Variants in LAPTM4B observed in about 807,000 individuals in gnomAD.
The protein encoded by LAPTM4B is lysosomal-associated transmembrane protein 4B.
Under a neutral mutation model 28.5 loss-of-function variants are expected in LAPTM4B, and 26 were observed. The ratio of observed to expected loss-of-function variants is 0.91; its 90% CI spans 0.67 to 1.27. The LOEUF is 1.27. Among genes scored for constraint, LAPTM4B ranks in the 50% most tolerant of loss-of-function variants. The probability of loss-of-function intolerance (pLI) is 0.00; values close to 1 mark genes in which losing one functional copy is unlikely to be tolerated. For missense variants in LAPTM4B, 288 were observed against 285.8 expected, an observed-to-expected ratio of 1.01 and a Z score of -0.06; for synonymous variants, 109 against 106.4, an observed-to-expected ratio of 1.02 and a Z score of -0.15.
At position 97,776,000 on chromosome 8, in the gene LAPTM4B, G is replaced by C. The variant is rs776766688; in HGVS notation, c.-10G>C. On this transcript the variant is annotated 5_prime_UTR_variant, in exon 1 of 7. Coordinates refer to ENST00000521545, the MANE Select transcript of LAPTM4B (RefSeq NM_018407.6). ...CTTGCGCGCGCGCTCGCGCCACTGCGCCCGGAGCGATGAAGATGGTCGCGC... is the reference window on the plus strand; with the variant it reads ...CTTGCGCGCGCGCTCGCGCCACTGCCCCCGGAGCGATGAAGATGGTCGCGC... The C allele has an allele frequency of 1.3e-6, 2 of 1,571,140 alleles. No individual in the cohort carries two copies. Among genetic ancestry groups the C allele is most frequent in the Non-Finnish European group, 1.7e-6 (2 of 1,164,628 alleles).
rs1214536719 is a variant in LAPTM4B at position 97,845,868 on chromosome 8, ACTCCCCTCCC to A, written c.604-5501_604-5492del. Among the ~76,000 whole-genome samples the A allele has an allele frequency of 8.0e-3, 35 of 4,372 alleles. 2 individuals are homozygous for A. The highest frequency in any genetic ancestry group is 0.015 in the African/African-American group (26 of 1,770). 2.9% of individuals were successfully genotyped at this position (4,372 alleles called of 152,430 possible). A position where few individuals can be genotyped will look rare whatever the true frequency, so the allele number is the denominator to read the frequency against. ...TCCTTTTCCTTTTCCCCCCCCTTCC[ACTCCCCTCCC>A]CTCCCCTCCCCTCCCCTCCCCTCCC... On this transcript the variant is annotated intron_variant, in intron 6 of 6. Transcript: ENST00000521545.
intron 6 of LAPTM4B, among the ~76,000 whole-genome samples, chr8:97,836,283 G>A (rs1817259385): frequency 6.6e-6 from 1 of 152,088 alleles, no homozygotes; most frequent in Middle Eastern, 3.4e-3. Context: ...TGGGTTCAAG[G>A]GATTCTCCTC....
chr8:97,850,465 G>GGTGTGT (rs761478917), intron 6 of LAPTM4B, among the ~76,000 whole-genome samples: 7 of 37,872 alleles, frequency 1.8e-4, no homozygotes, highest in Admixed American at 9.4e-4. Context: ...GGAGAGGAGG[G>GGTGTGT]GTGTGTGTGT....
chr8:97,788,844 G>T (rs6468588), intron 1 of LAPTM4B, among the ~76,000 whole-genome samples: 1 of 151,406 alleles, frequency 6.6e-6, no homozygotes, highest in Non-Finnish European at 1.5e-5. Context: ...ACGGGTGTCT[G>T]TCACCACGTC....
Position 97,816,688 on chromosome 8 carries a change from C to T in LAPTM4B, c.408+508C>T, listed in dbSNP as rs1413611974. ...AAATTATAGTCCAGTTACTAATAGT[C>T]GTATTTGGTAAAATGTAGTTTTCTC... On this transcript the variant is annotated intron_variant, in intron 4 of 6. Coordinates refer to ENST00000521545, the MANE Select transcript of LAPTM4B (RefSeq NM_018407.6). Among the ~76,000 whole-genome samples, 4 of 152,086 alleles carry T rather than the reference C, an allele frequency of 2.6e-5. No individual in the cohort carries two copies. The South Asian group carries it at 6.2e-4, about 24-fold the overall frequency.
intron 1 of LAPTM4B, among the ~76,000 whole-genome samples, chr8:97,803,594 A>G (rs118128961): frequency 0.039 from 5,893 of 152,138 alleles, 162 homozygotes; most frequent in Admixed American, 0.08. Flanking sequence ...TCTTGAATGG[A>G]TGTTCTGTAA....
intron 6 of LAPTM4B, among the ~76,000 whole-genome samples, chr8:97,838,630 A>G (rs1348036164): frequency 6.6e-6 from 1 of 152,080 alleles, no homozygotes; most frequent in Non-Finnish European, 1.5e-5. Flanking sequence ...TGACCCACTC[A>G]CCTCCTCCTA....
intron 2 of LAPTM4B, among the ~76,000 whole-genome samples, chr8:97,812,095 C>G (rs1407519330): frequency 6.6e-6 from 1 of 152,040 alleles, no homozygotes; most frequent in Non-Finnish European, 1.5e-5. Context: ...AGTGAGCCAC[C>G]GCGCCCGGCC....
intron 1 of LAPTM4B, among the ~76,000 whole-genome samples, chr8:97,800,114 T>C (rs1205526691): frequency 6.6e-6 from 1 of 152,220 alleles, no homozygotes; most frequent in Non-Finnish European, 1.5e-5. Context: ...TTTAACTTCA[T>C]GTTCTGAGTC....
intron 6 of LAPTM4B, among the ~76,000 whole-genome samples, chr8:97,834,287 C>T (rs960694611): frequency 6.6e-6 from 1 of 152,016 alleles, no homozygotes; most frequent in African/African-American, 2.4e-5. Flanking sequence ...CTAGGTGACA[C>T]AGCAAGACTC....
At chr8:97,833,971 T>C (rs765013182) in intron 6 of LAPTM4B, among the ~76,000 whole-genome samples, 1 of 152,008 alleles carries the variant, frequency 6.6e-6, no homozygotes, top group Non-Finnish European at 1.5e-5. Flanking sequence ...TTCAAAATAA[T>C]GAACTCATTC....
intron 6 of LAPTM4B, among the ~76,000 whole-genome samples, chr8:97,840,468 CA>C (rs756676368): frequency 2.7e-4 from 41 of 152,230 alleles, no homozygotes; most frequent in Admixed American, 5.9e-4. Flanking sequence ...CCTTTGGAAA[CA>C]ATTCCTTGCT....
intron 1 of LAPTM4B, among the ~76,000 whole-genome samples, chr8:97,795,213 C>T (rs886100731): frequency 2.0e-5 from 3 of 152,146 alleles, no homozygotes; most frequent in African/African-American, 2.4e-5. Context: ...AATCTACCTG[C>T]GTCAGCCTCC....
At chr8:97,850,942 C>T (rs1025015084) in intron 6 of LAPTM4B, among the ~76,000 whole-genome samples, 1 of 151,088 alleles carries the variant, frequency 6.6e-6, no homozygotes, top group Non-Finnish European at 1.5e-5. Context: ...AGGAACTTAC[C>T]CAAGGCTACG....
chr8:97,803,153 C>T (rs1157544264), intron 1 of LAPTM4B, among the ~76,000 whole-genome samples: 5 of 150,928 alleles, frequency 3.3e-5, no homozygotes, highest in African/African-American at 9.8e-5. Flanking sequence ...GAGCCGAGAT[C>T]GTGCCACTAC....
chr8:97,829,799 C>G (rs1420750497), intron 6 of LAPTM4B, among the ~76,000 whole-genome samples: 1 of 151,888 alleles, frequency 6.6e-6, no homozygotes, highest in Non-Finnish European at 1.5e-5. Context: ...CTGGTTCAAG[C>G]AATTCTCCTG....
At chr8:97,789,934 A>C (rs1199075373) in intron 1 of LAPTM4B, among the ~76,000 whole-genome samples, 1 of 152,202 alleles carries the variant, frequency 6.6e-6, no homozygotes, top group African/African-American at 2.4e-5. Context: ...AATGGTTTAA[A>C]GTTTTAGCTC....
At chr8:97,794,420 T>A (rs1252986091) in intron 1 of LAPTM4B, among the ~76,000 whole-genome samples, 1 of 152,128 alleles carries the variant, frequency 6.6e-6, no homozygotes, top group Non-Finnish European at 1.5e-5. Context: ...CTTGGGACCA[T>A]GTCTTAATCA....
At chr8:97,778,763 G>C (rs545115421) in intron 1 of LAPTM4B, among the ~76,000 whole-genome samples, 23 of 151,764 alleles carry the variant, frequency 1.5e-4, no homozygotes, top group African/African-American at 5.6e-4. Flanking sequence ...CTGAACAAAA[G>C]TATAAAAGAA....
Sources: allele counts gnomAD v4.1 joint callset (sites outside exome capture counted in the v4.1 genomes callset), GRCh38; gene constraint gnomAD v4.1.1; transcripts MANE v1.5; gene names NCBI Gene and HGNC (gene_info 2026-07-23, HGNC 2026-07-21).